Variants in FOXN3 observed in about 807,000 individuals in gnomAD.
FOXN3 encodes the protein forkhead box protein N3.
A neutral mutation model predicts 38.4 loss-of-function variants in FOXN3; 7 were observed. The observed-to-expected ratio is 0.18, with a 90% CI of 0.10 to 0.34. The LOEUF is 0.34. Among genes scored for constraint, FOXN3 ranks in the 10% least tolerant of loss-of-function variants. The pLI is 1.00. For synonymous variants in FOXN3, 230 were observed against 242.2 expected (o/e 0.95, Z 0.47); for missense variants, 456 against 613.4 (o/e 0.74, Z 2.71).
intron 1 of FOXN3, among the ~76,000 whole-genome samples, chr14:89,593,983 C>T (rs1896006901): frequency 6.6e-6 from 1 of 151,808 alleles, no homozygotes; most frequent in African/African-American, 2.4e-5. Context: ...ACTTCTTTCA[C>T]ACATTAATGT....
chr14:89,270,610 T>C (rs899331768), intron 4 of FOXN3, among the ~76,000 whole-genome samples: 6 of 152,332 alleles, frequency 3.9e-5, no homozygotes, highest in Admixed American at 3.3e-4. Context: ...AACCTAAGGT[T>C]GGCCAGCTCC....
At chr14:89,330,534 G>A (rs1888217988) in intron 3 of FOXN3, among the ~76,000 whole-genome samples, 1 of 152,234 alleles carries the variant, frequency 6.6e-6, no homozygotes, top group Admixed American at 6.5e-5. Context: ...CATTTGCAGG[G>A]AGCCTGGAGG....
intron 3 of FOXN3, among the ~76,000 whole-genome samples, chr14:89,327,874 T>G (rs971389741): frequency 1.3e-5 from 2 of 152,166 alleles, no homozygotes; most frequent in Non-Finnish European, 2.9e-5. Flanking sequence ...CCCAACCACC[T>G]CATTTTATAA....
chr14:89,226,983 A>G (rs1280526148), intron 4 of FOXN3, among the ~76,000 whole-genome samples: 1 of 152,168 alleles, frequency 6.6e-6, no homozygotes, highest in Non-Finnish European at 1.5e-5. Context: ...GAGACAATAA[A>G]TCTCTGTTGT....
intron 4 of FOXN3, among the ~76,000 whole-genome samples, chr14:89,225,055 G>T (rs142917594): frequency 1.2e-3 from 180 of 150,866 alleles, no homozygotes; most frequent in African/African-American, 4.3e-3. Context: ...CTTCAACCAG[G>T]GAGTCAGAGG....
upstream of FOXN3, chr14:89,419,182 G>A (rs968777350): frequency 2.2e-5 from 10 of 455,932 alleles, no homozygotes; most frequent in East Asian, 3.5e-4. Context: ...ATGTGAGAAG[G>A]TGTCACCCTG....
chr14:89,490,708 G>C (rs891054281), intron 1 of FOXN3, among the ~76,000 whole-genome samples: 2 of 152,248 alleles, frequency 1.3e-5, no homozygotes, highest in African/African-American at 4.8e-5. Flanking sequence ...GCATCTGAAA[G>C]TGGCTGAATG....
chr14:89,414,795 C>T (rs1444779153), intron 1 of FOXN3, among the ~76,000 whole-genome samples: 1 of 152,124 alleles, frequency 6.6e-6, no homozygotes, highest in East Asian at 1.9e-4. Context: ...TCGTGATCCA[C>T]CCGCCTCGGC....
intron 2 of FOXN3, among the ~76,000 whole-genome samples, chr14:89,363,528 T>C (rs1311369942): frequency 1.3e-5 from 2 of 152,202 alleles, no homozygotes; most frequent in Non-Finnish European, 2.9e-5. Context: ...AAACCACTTG[T>C]CCTCTTAGCT....
chr14:89,280,135 A>G (rs184017286), intron 4 of FOXN3, among the ~76,000 whole-genome samples: 51 of 152,376 alleles, frequency 3.3e-4, no homozygotes, highest in African/African-American at 1.2e-3. Context: ...TAGGAGGGAT[A>G]GAAAGCTCGA....
At chr14:89,391,271 T>C (rs1038144512) in intron 2 of FOXN3, among the ~76,000 whole-genome samples, 5 of 152,168 alleles carry the variant, frequency 3.3e-5, no homozygotes, top group Non-Finnish European at 5.9e-5. Flanking sequence ...TAAAATACGG[T>C]TACATTGGGC....
intron 3 of FOXN3, among the ~76,000 whole-genome samples, chr14:89,320,748 G>A (rs1183633209): frequency 6.6e-6 from 1 of 152,190 alleles, no homozygotes; most frequent in Non-Finnish European, 1.5e-5. Flanking sequence ...GAAGCTAACT[G>A]AGATTTAGGG....
intron 3 of FOXN3, among the ~76,000 whole-genome samples, chr14:89,302,622 G>A (rs1355817609): frequency 6.6e-6 from 1 of 152,136 alleles, no homozygotes; most frequent in Admixed American, 6.5e-5. Flanking sequence ...AGTCCCCTGA[G>A]CACACACAGG....
intron 2 of FOXN3, among the ~76,000 whole-genome samples, chr14:89,402,633 A>G (rs1272263071): frequency 1.3e-5 from 2 of 152,192 alleles, no homozygotes; most frequent in Admixed American, 1.3e-4. Flanking sequence ...CCTTAAAACC[A>G]GAAGTCAGCA....
chr14:89,377,039 A>AAAAAAAAAAAAAAAAAC (rs1890500622), intron 2 of FOXN3, among the ~76,000 whole-genome samples: 1 of 144,388 alleles, frequency 6.9e-6, no homozygotes, highest in Non-Finnish European at 1.5e-5. Flanking sequence ...AAAAAAAAAA[A>AAAAAAAAAAAAAAAAAC]AAAAAAAAAA....
chr14:89,352,718 G>A (rs1889028786), intron 2 of FOXN3, among the ~76,000 whole-genome samples: 2 of 152,104 alleles, frequency 1.3e-5, no homozygotes, highest in Admixed American at 1.3e-4. Flanking sequence ...TGGCTTTCAG[G>A]GTGGGACCAT....
chr14:89,291,417 A>G lies in FOXN3; in HGVS notation c.681-10403T>C. ...GCAAGGATGCTACTGTTCTTTAAAA[A>G]CTTGGCCACCATGCTGTTCATCAGC... is the stretch of plus-strand genomic sequence containing the variant. On this transcript the variant is annotated intron_variant, in intron 3 of 5. Transcript: ENST00000557258. The G allele has an allele frequency of 4.9e-6, 3 of 609,000 alleles. No homozygotes were observed. In the Admixed American group the frequency reaches 5.6e-5, roughly 11 times the overall value. 37.7% of individuals were successfully genotyped at this position (609,000 alleles called of 1,614,324 possible).
At chr14:89,363,966 ATATATATATATATATATATAT>A (rs1566968941) in intron 2 of FOXN3, among the ~76,000 whole-genome samples, 3 of 46,198 alleles carry the variant, frequency 6.5e-5, no homozygotes, top group Non-Finnish European at 1.3e-4. Context: ...ATATATATAT[ATATATATATATATATATATAT>A]AATATATATA....
chr14:89,477,391 G>T (rs1893233167), intron 1 of FOXN3, among the ~76,000 whole-genome samples: 1 of 152,086 alleles, frequency 6.6e-6, no homozygotes. Context: ...CTTTTCTAGG[G>T]TGTTATAAAG....
Sources: gnomAD v4.1 joint callset for allele counts (sites outside exome capture counted in the v4.1 genomes callset) on GRCh38, gnomAD v4.1.1 for gene constraint, MANE v1.5 for transcripts, NCBI Gene and HGNC (gene_info 2026-07-23, HGNC 2026-07-21) for gene names.